DPP10: variants seen among roughly 807,000 people sequenced by gnomAD.
DPP10 encodes dipeptidyl peptidase like 10.
Under a neutral mutation model 120.9 loss-of-function variants are expected in DPP10, and 33 were observed. That is an observed-to-expected ratio of 0.27 (90% CI 0.21 to 0.37). The LOEUF (loss-of-function observed/expected upper bound fraction) is 0.37, where lower values mean the gene tolerates loss of function less well. Ranked by LOEUF, DPP10 falls within the 10% of genes least tolerant of loss-of-function variation. DPP10 has a pLI of 1.00. For missense variants in DPP10, 816 were observed against 942.8 expected (o/e 0.87, Z 1.76); for synonymous variants, 337 against 326.1 (o/e 1.03, Z -0.36).
At chr2:115,243,432 A>G (rs1280389302) in intron 1 of DPP10, among the ~76,000 whole-genome samples, 4 of 152,222 alleles carry the variant, frequency 2.6e-5, no homozygotes, top group African/African-American at 9.6e-5. Flanking sequence ...TTAAAAAAAT[A>G]AAATAAGGGT....
In DPP10 at chr2:114,476,902, C is replaced by T. The variant is rs552790022; in HGVS notation, c.60+34064C>T. 2.6e-5 allele frequency among the ~76,000 whole-genome samples: 4 copies of T among 152,226 alleles called. No homozygotes were observed. The East Asian group carries it at 7.7e-4, about 29-fold the overall frequency. ...CCCTTTCAGGAACTAATTCTTAAAA[C>T]CATTGTCTTGACTTCTGACATCATA... On this transcript the variant is annotated intron_variant, in intron 1 of 25. Transcript: ENST00000410059.
intron 1 of DPP10, among the ~76,000 whole-genome samples, chr2:115,162,802 C>T (rs1055402776): frequency 6.6e-6 from 1 of 152,140 alleles, no homozygotes; most frequent in Non-Finnish European, 1.5e-5. Context: ...TGTAGCATAA[C>T]CGTACCGTCG....
rs1265107956 is a variant in DPP10 at position 115,725,937 on chromosome 2, G to A, written c.577-1879G>A. Among the ~76,000 whole-genome samples, 8 of 152,282 alleles carry A rather than the reference G, an allele frequency of 5.3e-5. No individual in the cohort carries two copies. The East Asian group carries it at 1.5e-3, about 29-fold the overall frequency. The stretch of plus-strand genomic sequence containing the variant: ...AGTTCATATTTTTTCTCAGTTATCA[G>A]GGGTCGTGAAAGTCATTAAATCCAA... On this transcript the variant is annotated intron_variant, in intron 7 of 25. Transcript: ENST00000410059.
chr2:115,486,722 T>G (rs1309364682), intron 3 of DPP10, among the ~76,000 whole-genome samples: 1 of 152,190 alleles, frequency 6.6e-6, no homozygotes, highest in African/African-American at 2.4e-5. Flanking sequence ...TGGGAAAATA[T>G]ATTTAAAATT....
chr2:115,449,982 G>T (rs1308909148), intron 3 of DPP10, among the ~76,000 whole-genome samples: 8 of 151,968 alleles, frequency 5.3e-5, no homozygotes, highest in African/African-American at 1.9e-4. Context: ...AAAAGCCCAA[G>T]AATTATTCAT....
intron 1 of DPP10, among the ~76,000 whole-genome samples, chr2:114,663,776 A>G (rs1181058819): frequency 6.6e-6 from 1 of 151,414 alleles, no homozygotes; most frequent in African/African-American, 2.4e-5. Context: ...CTGTGTGACC[A>G]TGAGCGATTT....
chr2:115,241,164 G>A (rs1459396843), intron 1 of DPP10, among the ~76,000 whole-genome samples: 1 of 152,140 alleles, frequency 6.6e-6, no homozygotes, highest in Admixed American at 6.5e-5. Flanking sequence ...AGCTACTCAG[G>A]AGGCTGAGAC....
At chr2:115,590,274 C>T (rs34298186) in intron 5 of DPP10, among the ~76,000 whole-genome samples, 12,248 of 151,742 alleles carry the variant, frequency 0.081, 704 homozygotes, top group East Asian at 0.17. Context: ...CCTGTTACCT[C>T]GTCATTTACA....
chr2:115,501,841 G>T (rs901942722), intron 4 of DPP10, among the ~76,000 whole-genome samples: 1 of 151,830 alleles, frequency 6.6e-6, no homozygotes, highest in Non-Finnish European at 1.5e-5. Context: ...GGCTAAAACC[G>T]GGATTTAATT....
At chr2:115,324,611 ATCT>A (rs1404728254) in intron 2 of DPP10, among the ~76,000 whole-genome samples, 1 of 152,110 alleles carries the variant, frequency 6.6e-6, no homozygotes, top group Non-Finnish European at 1.5e-5. Flanking sequence ...GGCTAGTTTG[ATCT>A]TCTATCCAGA....
intron 1 of DPP10, among the ~76,000 whole-genome samples, chr2:114,568,105 A>G (rs17048487): frequency 0.017 from 2,541 of 150,796 alleles, 88 homozygotes; most frequent in African/African-American, 0.058. Context: ...GGTTCAGTCT[A>G]GATTTGAGCA....
intron 5 of DPP10, among the ~76,000 whole-genome samples, chr2:115,670,996 T>C (rs1331987572): frequency 2.0e-5 from 3 of 152,100 alleles, no homozygotes; most frequent in African/African-American, 7.2e-5. Context: ...TATTCCTGGT[T>C]TCTAATATTA....
intron 1 of DPP10, among the ~76,000 whole-genome samples, chr2:115,119,367 G>A (rs951238459): frequency 3.3e-5 from 5 of 152,260 alleles, no homozygotes; most frequent in African/African-American, 7.2e-5. Flanking sequence ...CTGTCTATTG[G>A]GAGACTGGTG....
intron 19 of DPP10, among the ~76,000 whole-genome samples, chr2:115,796,257 T>C (rs1684515703): frequency 6.6e-6 from 1 of 152,030 alleles, no homozygotes; most frequent in Non-Finnish European, 1.5e-5. Flanking sequence ...CTCTTAAGAC[T>C]TCCAGACACA....
intron 7 of DPP10, among the ~76,000 whole-genome samples, chr2:115,713,936 A>T (rs1447922825): frequency 1.3e-5 from 2 of 152,162 alleles, no homozygotes; most frequent in African/African-American, 2.4e-5. Context: ...CCAGAAGTCC[A>T]CTGCTCATTT....
intron 1 of DPP10, among the ~76,000 whole-genome samples, chr2:115,303,781 C>T (rs531249943): frequency 1.1e-4 from 16 of 151,906 alleles, no homozygotes; most frequent in African/African-American, 3.4e-4. Context: ...TATCCCAAAC[C>T]TTAACACACT....
intron 1 of DPP10, among the ~76,000 whole-genome samples, chr2:114,858,829 G>C (rs1689573561): frequency 6.6e-6 from 1 of 152,096 alleles, no homozygotes; most frequent in Non-Finnish European, 1.5e-5. Flanking sequence ...TTTACAAAAG[G>C]AGAGGAATTT....
chr2:115,296,395 A>C (rs932183138), intron 1 of DPP10, among the ~76,000 whole-genome samples: 1 of 151,988 alleles, frequency 6.6e-6, no homozygotes, highest in African/African-American at 2.4e-5. Context: ...CTATTTTCTT[A>C]ACCTATGTTT....
intron 1 of DPP10, among the ~76,000 whole-genome samples, chr2:115,298,870 A>C (rs2061001844): frequency 6.6e-6 from 1 of 152,048 alleles, no homozygotes; most frequent in Non-Finnish European, 1.5e-5. Flanking sequence ...TAACCTACTA[A>C]GAAACTCAAT....
Sources: gnomAD v4.1 joint callset for allele counts (sites outside exome capture counted in the v4.1 genomes callset) on GRCh38, gnomAD v4.1.1 for gene constraint, MANE v1.5 for transcripts, NCBI Gene and HGNC (gene_info 2026-07-23, HGNC 2026-07-21) for gene names.